CCDC191: variants seen among roughly 807,000 people sequenced by gnomAD.
The protein encoded by CCDC191 is coiled-coil domain-containing protein 191.
A neutral mutation model predicts 114.0 loss-of-function variants in CCDC191; 99 were observed. The observed-to-expected ratio is 0.87, with a 90% CI of 0.74 to 1.03. The LOEUF (loss-of-function observed/expected upper bound fraction) is 1.03. CCDC191 is among the 50% of genes least tolerant of loss of function. CCDC191 has a pLI of 0.00. For missense variants in CCDC191, 973 were observed against 1,087.0 expected (o/e 0.90, Z 1.47); for synonymous variants, 351 against 376.0 (o/e 0.93, Z 0.77).
intron 15 of CCDC191, 104 bp downstream of exon 15, chr3:113,978,754 C>G: frequency 7.9e-7 from 1 of 1,273,832 alleles, no homozygotes; most frequent in Non-Finnish European, 1.1e-6. Context: ...CTCTTTTGTT[C>G]TTGAAAAAAC....
chr3:113,986,064 G>A (rs1378576643), intron 13 of CCDC191, among the ~76,000 whole-genome samples: 1 of 152,124 alleles, frequency 6.6e-6, no homozygotes, highest in African/African-American at 2.4e-5. Context: ...AATGTTAAAT[G>A]TTCTAATGGA....
Position 114,036,733 on chromosome 3 carries a change from T to C in CCDC191, c.469A>G (p.Ile157Val). ...ACATTTTTATGGAGCAGATGGTCTA[T>C]AAATTTTTGAACGGTGGTACTTTCC... ...EEESTTVQKF[I>V]DHLLHKNVVD... is the part of the protein sequence containing the mutation. The change falls in exon 5 of 17, where the codon ATA (isoleucine) becomes GTA (valine). Residue 157 changes from isoleucine (I) to valine (V), a missense_variant. Transcript: ENST00000295878. 1.3e-6 allele frequency: 2 copies of C among 1,593,082 alleles called. 1 individual carries two copies. The highest frequency in any genetic ancestry group is 2.7e-5 in the African/African-American group (2 of 74,100).
At chr3:114,041,433 G>A (rs370262859) in intron 4 of CCDC191, among the ~76,000 whole-genome samples, 109 of 152,322 alleles carry the variant, frequency 7.2e-4, no homozygotes, top group African/African-American at 2.5e-3. Flanking sequence ...AAACGTTACT[G>A]AAGACAAAAT....
At position 114,017,980 on chromosome 3, in the gene CCDC191, TAAAG is replaced by T. The variant is rs567461574; in HGVS notation, c.1163+694_1163+697del. Among the ~76,000 whole-genome samples, 8 of 152,272 alleles carry T rather than the reference TAAAG, an allele frequency of 5.3e-5. No homozygotes were observed. In the South Asian group the frequency reaches 1.0e-3, roughly 20 times the overall value. On this transcript the variant is annotated intron_variant, in intron 8 of 16. Coordinates refer to ENST00000295878, the MANE Select transcript of CCDC191 (RefSeq NM_020817.2). ...ATTATTTGATTTTAAGATGATGGAA[TAAAG>T]AAAGCCTCATTTGAAGGCAGAATTC...
chr3:114,039,604 G>A (rs1362537432), intron 4 of CCDC191: 1 of 152,150 alleles, frequency 6.6e-6, no homozygotes, highest in African/African-American at 2.4e-5. Flanking sequence ...CTAAATGCTT[G>A]TTATTGCCCC....
At chr3:114,037,824 T>C (rs1214639462) in intron 4 of CCDC191, among the ~76,000 whole-genome samples, 3 of 152,222 alleles carry the variant, frequency 2.0e-5, no homozygotes, top group East Asian at 3.8e-4. Context: ...TTATATGTAT[T>C]GTTTGGGGAA....
At chr3:114,055,651 C>A (rs2076762849) in intron 1 of CCDC191, among the ~76,000 whole-genome samples, 2 of 152,206 alleles carry the variant, frequency 1.3e-5, no homozygotes, top group Admixed American at 1.3e-4. Flanking sequence ...TTTTAGTACT[C>A]TCATTTAGAT....
intron 13 of CCDC191, among the ~76,000 whole-genome samples, chr3:113,982,857 C>A (rs202167952): frequency 8.5e-4 from 116 of 137,000 alleles, no homozygotes; most frequent in South Asian, 1.2e-3. Context: ...AACAAAAAAA[C>A]AAAAAAAAAA....
At chr3:114,018,502 A>G (rs2076197138) in intron 8 of CCDC191, among the ~76,000 whole-genome samples, 176 bp downstream of exon 8, 1 of 152,004 alleles carries the variant, frequency 6.6e-6, no homozygotes, top group Non-Finnish European at 1.5e-5. Context: ...TTGTTTACTT[A>G]TAATTTTCAG....
chr3:114,000,099 G>C (rs894007228), intron 13 of CCDC191, among the ~76,000 whole-genome samples: 2 of 152,190 alleles, frequency 1.3e-5, no homozygotes, highest in Non-Finnish European at 2.9e-5. Flanking sequence ...GTGTCAACTT[G>C]ACTATACCAT....
At chr3:113,979,719 T>C (rs1435297679) in intron 14 of CCDC191, among the ~76,000 whole-genome samples, 1 of 152,106 alleles carries the variant, frequency 6.6e-6, no homozygotes, top group Non-Finnish European at 1.5e-5. Flanking sequence ...CTCAAGTGAG[T>C]CTCTTGGCAG....
chr3:113,977,188 T>C (rs1941428772), intron 16 of CCDC191, among the ~76,000 whole-genome samples: 3 of 152,276 alleles, frequency 2.0e-5, no homozygotes, highest in Admixed American at 1.3e-4. Flanking sequence ...TCCTAGCTAC[T>C]TGGCGGGCTG....
chr3:114,015,790 A>G (rs2076149605), intron 8 of CCDC191, among the ~76,000 whole-genome samples: 3 of 152,248 alleles, frequency 2.0e-5, no homozygotes, highest in Non-Finnish European at 4.4e-5. Context: ...CATTATTGCC[A>G]TAACTTCTTT....
At chr3:114,055,302 T>C (rs1164549434) in intron 1 of CCDC191, among the ~76,000 whole-genome samples, 1 of 152,200 alleles carries the variant, frequency 6.6e-6, no homozygotes, top group Non-Finnish European at 1.5e-5. Flanking sequence ...TCCTAAGAAA[T>C]TATTCTAAAT....
chr3:113,987,906 T>G (rs6438177), intron 13 of CCDC191, among the ~76,000 whole-genome samples: 107,091 of 151,188 alleles, frequency 0.71, 38,468 homozygotes, highest in African/African-American at 0.84. Flanking sequence ...GCCGGGCGTG[T>G]TGGTGGGTGC....
At chr3:113,978,622 G>A in intron 15 of CCDC191, 1 of 588,654 alleles carries the variant, frequency 1.7e-6, no homozygotes, top group South Asian at 2.5e-5. Flanking sequence ...AAAAGCTGAT[G>A]GAATGATAAC....
chr3:114,052,715 C>T (rs1468770969), intron 2 of CCDC191, among the ~76,000 whole-genome samples: 2 of 152,180 alleles, frequency 1.3e-5, no homozygotes, highest in Non-Finnish European at 2.9e-5. Flanking sequence ...TGGGCTAGTA[C>T]TTAGTAGGCA....
chr3:113,965,050 C>T lies in CCDC191; in HGVS notation c.*105G>A, dbSNP rs951100808. On this transcript the variant is annotated 3_prime_UTR_variant, in exon 17 of 17. Transcript: ENST00000295878. ...AATTCCTTTGATCTAAGAAGTAGCTCGTAGAGAATAAACCAGGTGTATGTA... is the reference window on the plus strand; with the variant it reads ...AATTCCTTTGATCTAAGAAGTAGCTTGTAGAGAATAAACCAGGTGTATGTA... 12 of 584,702 alleles carry T rather than the reference C, an allele frequency of 2.1e-5. No individual in the cohort carries two copies. Among genetic ancestry groups the T allele is most frequent in the African/African-American group, 1.7e-4 (9 of 52,664 alleles). 36.2% of individuals were successfully genotyped at this position (584,702 alleles called of 1,614,324 possible).
At chr3:113,996,293 G>A (rs2075720021) in intron 13 of CCDC191, among the ~76,000 whole-genome samples, 1 of 152,150 alleles carries the variant, frequency 6.6e-6, no homozygotes, top group African/African-American at 2.4e-5. Flanking sequence ...TGTATAAGGT[G>A]TAAGGAAGGG....
Sources: gnomAD v4.1 joint callset for allele counts (sites outside exome capture counted in the v4.1 genomes callset) on GRCh38, gnomAD v4.1.1 for gene constraint, MANE v1.5 for transcripts, NCBI Gene and HGNC (gene_info 2026-07-23, HGNC 2026-07-21) for gene names.